Variants in RBM47 observed in about 807,000 individuals in gnomAD.
The protein encoded by RBM47 is RNA binding motif protein 47.
Under a neutral mutation model 47.1 loss-of-function variants are expected in RBM47, and 21 were observed. The ratio of observed to expected loss-of-function variants is 0.45; its 90% confidence interval spans 0.32 to 0.64. The LOEUF (loss-of-function observed/expected upper bound fraction) is 0.64, where lower values mean the gene tolerates loss of function less well. Ranked by LOEUF, RBM47 falls within the 30% of genes least tolerant of loss-of-function variation. The pLI, the probability that RBM47 is intolerant of heterozygous loss-of-function variation, is 0.05. For missense variants in RBM47, 708 were observed against 870.9 expected (o/e 0.81, Z 2.35); for synonymous variants, 375 against 361.7 (o/e 1.04, Z -0.42).
intron 2 of RBM47, among the ~76,000 whole-genome samples, chr4:40,473,125 A>G (rs1577723351): frequency 6.6e-6 from 1 of 152,244 alleles, no homozygotes; most frequent in East Asian, 1.9e-4. Context: ...TATTAATAAT[A>G]GTAATGACCA....
chr4:40,547,639 G>A (rs934919240), intron 1 of RBM47, among the ~76,000 whole-genome samples: 3 of 152,146 alleles, frequency 2.0e-5, no homozygotes, highest in Non-Finnish European at 2.9e-5. Context: ...CAGATGAGTC[G>A]CAGATGAGTA....
intron 3 of RBM47, among the ~76,000 whole-genome samples, chr4:40,463,196 C>T (rs1284204073): frequency 6.6e-6 from 1 of 152,164 alleles, no homozygotes; most frequent in African/African-American, 2.4e-5. Flanking sequence ...ATACATTATA[C>T]ATCTGCATTA....
chr4:40,532,810 C>T (rs957943243), intron 2 of RBM47, among the ~76,000 whole-genome samples: 1 of 151,936 alleles, frequency 6.6e-6, no homozygotes, highest in Non-Finnish European at 1.5e-5. Flanking sequence ...GTGAACATCA[C>T]ATATAAATAG....
At chr4:40,496,981 C>G (rs926389629) in intron 2 of RBM47, among the ~76,000 whole-genome samples, 1 of 144,692 alleles carries the variant, frequency 6.9e-6, no homozygotes, top group Non-Finnish European at 1.5e-5. Context: ...GCGGAGGTTG[C>G]GGTGAGCCAA....
In RBM47 at chr4:40,432,645, C is replaced by T. The variant is rs768777352; in HGVS notation, c.1542+6G>A. ...CAAATGACAATGCCTGCAATAAGAA[C>T]TCTACCTGGAAAGGTGGTGGCGTCG... On this transcript the variant is annotated splice_donor_region_variant and intron_variant, in intron 6 of 6. Transcript: ENST00000295971. 6.2e-6 allele frequency: 10 copies of T among 1,610,140 alleles called. No homozygotes were observed. Among genetic ancestry groups the T allele is most frequent in the Non-Finnish European group, 7.6e-6 (9 of 1,179,410 alleles).
rs1231981603 is a variant in RBM47, at chr4:40,604,875, C to T, written c.-240+24521G>A. ...GGGACTACAAGTGCACACCACCACG[C>T]CTGACTAATTTTTGTATTTTTAGTA... On this transcript the variant is annotated intron_variant, in intron 1 of 6. Coordinates refer to ENST00000295971, the MANE Select transcript of RBM47 (RefSeq NM_001098634.2). 2.0e-5 allele frequency among the ~76,000 whole-genome samples: 3 copies of T among 152,166 alleles called. No individual in the cohort carries two copies. The East Asian group carries it at 5.8e-4, about 29-fold the overall frequency.
At chr4:40,573,314 A>T (rs16852351) in intron 1 of RBM47, among the ~76,000 whole-genome samples, 12,462 of 151,906 alleles carry the variant, frequency 0.082, 1,358 homozygotes, top group African/African-American at 0.24. Flanking sequence ...GGTGATTTTA[A>T]TTATCTCCTT....
chr4:40,614,256 C>T (rs1736505343), intron 1 of RBM47, among the ~76,000 whole-genome samples: 1 of 152,106 alleles, frequency 6.6e-6, no homozygotes, highest in Non-Finnish European at 1.5e-5. Flanking sequence ...CCCATCTTCC[C>T]TTCAACATCA....
intron 2 of RBM47, among the ~76,000 whole-genome samples, chr4:40,535,241 TA>T (rs1173142126): frequency 2.6e-5 from 4 of 152,006 alleles, no homozygotes; most frequent in Non-Finnish European, 4.4e-5. Context: ...ACAACTCCAA[TA>T]TTTTAAGATT....
chr4:40,499,286 A>G (rs1030168867), intron 2 of RBM47, among the ~76,000 whole-genome samples: 1 of 152,254 alleles, frequency 6.6e-6, no homozygotes, highest in Non-Finnish European at 1.5e-5. Flanking sequence ...AGGTTTTGAA[A>G]TAACATTCTG....
At chr4:40,518,523 T>G (rs1405812593) in intron 2 of RBM47, among the ~76,000 whole-genome samples, 1 of 152,162 alleles carries the variant, frequency 6.6e-6, no homozygotes. Context: ...ATTTGATATA[T>G]GACACCTCAT....
At chr4:40,432,897 C>T (rs1232732980) in intron 5 of RBM47, 35 bp from the exon 6 acceptor site, 2 of 1,610,402 alleles carry the variant, frequency 1.2e-6, no homozygotes, top group African/African-American at 2.7e-5. Flanking sequence ...ACAGGTCAAT[C>T]ACTTTCAGTC....
At chr4:40,522,205 T>C (rs1726260560) in intron 2 of RBM47, among the ~76,000 whole-genome samples, 1 of 151,982 alleles carries the variant, frequency 6.6e-6, no homozygotes, top group African/African-American at 2.4e-5. Context: ...GCAACTAACC[T>C]TTAAGAAACT....
At chr4:40,615,637 T>G (rs1360089793) in intron 1 of RBM47, among the ~76,000 whole-genome samples, 4 of 151,938 alleles carry the variant, frequency 2.6e-5, no homozygotes, top group African/African-American at 9.7e-5. Context: ...AAAAATTAGC[T>G]GGGCATAATG....
intron 2 of RBM47, among the ~76,000 whole-genome samples, chr4:40,500,537 G>A (rs1416011214): frequency 3.3e-5 from 5 of 152,288 alleles, no homozygotes; most frequent in African/African-American, 1.2e-4. Flanking sequence ...CCTGAGCCCA[G>A]GAGGTCGAGG....
At chr4:40,564,073 T>A (rs2154267096) in intron 1 of RBM47, among the ~76,000 whole-genome samples, 1 of 152,294 alleles carries the variant, frequency 6.6e-6, no homozygotes, top group Middle Eastern at 3.4e-3. Flanking sequence ...ACAATTTTTT[T>A]AATTATGAAA....
chr4:40,528,950 AAAT>A lies in RBM47; in HGVS notation c.-155+15469_-155+15471del, dbSNP rs1212381663. Among the ~76,000 whole-genome samples, 30 of 45,342 alleles carry A rather than the reference AAAT, an allele frequency of 6.6e-4. No individual in the cohort carries two copies. In the South Asian group the frequency reaches 0.011, roughly 17 times the overall value. The allele number at this position is 45,342 out of a possible 152,430, so 29.7% of individuals were successfully genotyped here. On this transcript the variant is annotated intron_variant, in intron 2 of 6. Transcript: ENST00000295971. ...AGAGCGAGACTCCGTCTCAAAAAAAAAATAAATAAATAAATAAATAAATAAATA... is the reference window on the plus strand; with the variant it reads ...AGAGCGAGACTCCGTCTCAAAAAAAAAAATAAATAAATAAATAAATAAATA...
intron 2 of RBM47, among the ~76,000 whole-genome samples, chr4:40,537,718 A>T (rs1010919220): frequency 6.6e-5 from 10 of 152,186 alleles, no homozygotes; most frequent in African/African-American, 2.4e-4. Context: ...CAGAAAGCAG[A>T]TCTCAGCAAC....
At chr4:40,470,212 C>T (rs1718647795) in intron 2 of RBM47, among the ~76,000 whole-genome samples, 1 of 152,036 alleles carries the variant, frequency 6.6e-6, no homozygotes, top group African/African-American at 2.4e-5. Context: ...TAATTCATTC[C>T]AGCTCCCCCC....
Sources: gnomAD v4.1 joint callset for allele counts (sites outside exome capture counted in the v4.1 genomes callset) on GRCh38, gnomAD v4.1.1 for gene constraint, MANE v1.5 for transcripts, NCBI Gene and HGNC (gene_info 2026-07-23, HGNC 2026-07-21) for gene names.